Variants in ZMAT4 observed in about 807,000 individuals in gnomAD.
The protein encoded by ZMAT4 is zinc finger matrin-type protein 4.
A neutral mutation model predicts 28.7 loss-of-function variants in ZMAT4; 17 were observed. That is an observed-to-expected ratio of 0.59 (90% CI 0.41 to 0.89). ZMAT4 has a LOEUF of 0.89. Among genes scored for constraint, ZMAT4 ranks in the 40% least tolerant of loss-of-function variants. The pLI, the probability that ZMAT4 is intolerant of heterozygous loss-of-function variation, is 0.00. For synonymous variants in ZMAT4, 117 were observed against 109.2 expected (o/e 1.07, Z -0.44); for missense variants, 240 against 283.8 (o/e 0.85, Z 1.11).
At chr8:40,893,229 A>G (rs969829087) in intron 1 of ZMAT4, among the ~76,000 whole-genome samples, 1 of 152,180 alleles carries the variant, frequency 6.6e-6, no homozygotes, top group Non-Finnish European at 1.5e-5. Context: ...CTCTGAAAGC[A>G]TCGCTGATCA....
At chr8:40,801,772 T>C (rs1814861259) in intron 2 of ZMAT4, among the ~76,000 whole-genome samples, 2 of 152,096 alleles carry the variant, frequency 1.3e-5, no homozygotes. Flanking sequence ...AACAGTATTA[T>C]AAGAAAAAGA....
intron 1 of ZMAT4, among the ~76,000 whole-genome samples, chr8:40,866,200 G>T (rs1817671840): frequency 6.6e-6 from 1 of 152,224 alleles, no homozygotes; most frequent in Admixed American, 6.5e-5. Context: ...GGCTGCAGCT[G>T]CACTCCTTTG....
intron 3 of ZMAT4, among the ~76,000 whole-genome samples, chr8:40,749,024 ACC>A (rs1812353707): frequency 6.6e-6 from 1 of 151,826 alleles, no homozygotes; most frequent in African/African-American, 2.4e-5. Flanking sequence ...ATAAGGGGTA[ACC>A]CCTTTCACTT....
intron 3 of ZMAT4, among the ~76,000 whole-genome samples, chr8:40,744,007 T>C (rs1238140005): frequency 6.6e-6 from 1 of 152,152 alleles, no homozygotes; most frequent in East Asian, 1.9e-4. Flanking sequence ...CTAGAATGAA[T>C]GCTCCCAGGA....
intron 6 of ZMAT4, among the ~76,000 whole-genome samples, chr8:40,535,472 C>A (rs894408967): frequency 6.6e-6 from 1 of 152,032 alleles, no homozygotes; most frequent in Non-Finnish European, 1.5e-5. Context: ...AGATCGAGAC[C>A]ATCCTGGCCA....
chr8:40,537,150 G>A (rs1167850010), intron 6 of ZMAT4, among the ~76,000 whole-genome samples: 1 of 152,154 alleles, frequency 6.6e-6, no homozygotes, highest in African/African-American at 2.4e-5. Context: ...GAAAGATGAA[G>A]AGAGATCATT....
intron 2 of ZMAT4, among the ~76,000 whole-genome samples, chr8:40,818,397 T>A (rs1033130733): frequency 2.6e-5 from 4 of 152,258 alleles, no homozygotes; most frequent in Non-Finnish European, 4.4e-5. Context: ...TCCAAAAAGA[T>A]CTTCCATATG....
intron 5 of ZMAT4, among the ~76,000 whole-genome samples, chr8:40,641,948 A>G: frequency 6.6e-6 from 1 of 152,284 alleles, no homozygotes; most frequent in Non-Finnish European, 1.5e-5. Flanking sequence ...ATAATAAAAT[A>G]AATAAAAATA....
chr8:40,667,488 G>T (rs1002307467), intron 5 of ZMAT4, among the ~76,000 whole-genome samples: 1 of 152,104 alleles, frequency 6.6e-6, no homozygotes, highest in African/African-American at 2.4e-5. Context: ...ATCTCCTGTT[G>T]CAATGAGCGC....
intron 6 of ZMAT4, among the ~76,000 whole-genome samples, chr8:40,537,720 T>C (rs1397016541): frequency 6.6e-6 from 1 of 152,202 alleles, no homozygotes; most frequent in Non-Finnish European, 1.5e-5. Flanking sequence ...ATTAATGAAA[T>C]GTTAGAGCCA....
At chr8:40,790,764 T>C (rs1156599573) in intron 2 of ZMAT4, among the ~76,000 whole-genome samples, 1 of 152,264 alleles carries the variant, frequency 6.6e-6, no homozygotes, top group East Asian at 1.9e-4. Context: ...AGCCATTTTT[T>C]GTAGAATTTG....
At chr8:40,837,994 G>A (rs1246305680) in intron 1 of ZMAT4, among the ~76,000 whole-genome samples, 2 of 152,204 alleles carry the variant, frequency 1.3e-5, no homozygotes, top group African/African-American at 2.4e-5. Flanking sequence ...AGGGGCAAAC[G>A]GAGCAGATGG....
At chr8:40,748,816 G>A (rs1812341209) in intron 3 of ZMAT4, among the ~76,000 whole-genome samples, 2 of 151,922 alleles carry the variant, frequency 1.3e-5, no homozygotes, top group South Asian at 4.2e-4. Context: ...ATTCTAATCA[G>A]TCTTTTTTTG....
rs181757982 is a variant in ZMAT4, at chr8:40,846,119, T to C, written c.-4-20439A>G. ...AGTCTGCAAACCAGCCAGCCCCAGC[T>C]GAGACCGGGAGATAGCAACTATTTG... On this transcript the variant is annotated intron_variant, in intron 1 of 6. Coordinates refer to ENST00000297737, the MANE Select transcript of ZMAT4 (RefSeq NM_024645.3). Among the ~76,000 whole-genome samples the C allele has an allele frequency of 7.8e-4, 119 of 152,350 alleles. 1 individual carries two copies. Among genetic ancestry groups the C allele is most frequent in the Non-Finnish European group, 1.3e-3 (88 of 68,038 alleles).
chr8:40,704,548 A>G (rs186959359), intron 3 of ZMAT4, among the ~76,000 whole-genome samples: 1 of 152,328 alleles, frequency 6.6e-6, no homozygotes, highest in East Asian at 1.9e-4. Flanking sequence ...TTGCTTTATT[A>G]GCATTTTGTT....
chr8:40,742,300 T>TA (rs1267428938), intron 3 of ZMAT4, among the ~76,000 whole-genome samples: 3 of 151,042 alleles, frequency 2.0e-5, no homozygotes, highest in Admixed American at 6.6e-5. Flanking sequence ...CAATTCTGCC[T>TA]AAAAAACCAT....
intron 5 of ZMAT4, among the ~76,000 whole-genome samples, chr8:40,623,050 A>G (rs1228091890): frequency 6.6e-6 from 1 of 152,248 alleles, no homozygotes; most frequent in African/African-American, 2.4e-5. Flanking sequence ...GTCTGTATTA[A>G]GTACTGGGGA....
chr8:40,756,044 A>G (rs1812664199), intron 3 of ZMAT4, among the ~76,000 whole-genome samples: 1 of 152,128 alleles, frequency 6.6e-6, no homozygotes, highest in African/African-American at 2.4e-5. Flanking sequence ...ACCCAAATGA[A>G]GGGAACCCAT....
chr8:40,796,107 A>G (rs952488862), intron 2 of ZMAT4, among the ~76,000 whole-genome samples: 2 of 152,290 alleles, frequency 1.3e-5, no homozygotes, highest in South Asian at 2.1e-4. Context: ...TCAGGGGCTG[A>G]CGCAGCTACA....
Sources: allele counts gnomAD v4.1 joint callset (sites outside exome capture counted in the v4.1 genomes callset), GRCh38; gene constraint gnomAD v4.1.1; transcripts MANE v1.5; gene names NCBI Gene and HGNC (gene_info 2026-07-23, HGNC 2026-07-21).